Variants in HPSE2 observed in about 807,000 individuals in gnomAD.
HPSE2 encodes heparanase 2 (inactive), also known as inactive heparanase-2.
In HPSE2, 38 loss-of-function variants were observed where a neutral mutation model predicts 60.5. The observed-to-expected ratio is 0.63, with a 90% CI of 0.48 to 0.82. The LOEUF (loss-of-function observed/expected upper bound fraction) is 0.82, where lower values mean the gene tolerates loss of function less well. Ranked by LOEUF, HPSE2 falls within the 40% of genes least tolerant of loss-of-function variation. The pLI, the probability that HPSE2 is intolerant of heterozygous loss-of-function variation, is 0.00. For synonymous variants in HPSE2, 295 were observed against 293.2 expected (o/e 1.01, Z -0.06); for missense variants, 713 against 740.4 (o/e 0.96, Z 0.43).
chr10:98,704,003 T>C (rs987538458), intron 5 of HPSE2, among the ~76,000 whole-genome samples: 6 of 152,202 alleles, frequency 3.9e-5, no homozygotes, highest in African/African-American at 1.4e-4. Context: ...GACATGATTC[T>C]GTATTTAGAA....
intron 3 of HPSE2, among the ~76,000 whole-genome samples, chr10:98,968,155 AT>A (rs1404176129): frequency 1.3e-5 from 2 of 152,324 alleles, no homozygotes; most frequent in Non-Finnish European, 1.5e-5. Flanking sequence ...GGCCACTCTT[AT>A]GCCTTTAAAA....
At chr10:98,724,633 T>C (rs2134261491) in intron 4 of HPSE2, among the ~76,000 whole-genome samples, 1 of 152,312 alleles carries the variant, frequency 6.6e-6, no homozygotes, top group Admixed American at 6.5e-5. Context: ...GGACTTGCTT[T>C]ATGAATCTGG....
chr10:98,593,531 T>C (rs911922427), intron 9 of HPSE2, among the ~76,000 whole-genome samples: 1 of 152,018 alleles, frequency 6.6e-6, no homozygotes, highest in East Asian at 1.9e-4. Flanking sequence ...TGAAAGAAAC[T>C]ATAGGCAGGG....
At chr10:98,558,626 G>A (rs1455515073) in intron 9 of HPSE2, among the ~76,000 whole-genome samples, 1 of 152,198 alleles carries the variant, frequency 6.6e-6, no homozygotes, top group African/African-American at 2.4e-5. Flanking sequence ...GGAGAACATG[G>A]GGAGGGGAAT....
intron 9 of HPSE2, among the ~76,000 whole-genome samples, chr10:98,559,235 C>G (rs1272598120): frequency 6.6e-6 from 1 of 152,148 alleles, no homozygotes; most frequent in African/African-American, 2.4e-5. Flanking sequence ...ACCATGTTAG[C>G]CAGGCTGGTC....
chr10:99,016,557 T>C (rs553579784), intron 3 of HPSE2, among the ~76,000 whole-genome samples: 1 of 152,294 alleles, frequency 6.6e-6, no homozygotes, highest in African/African-American at 2.4e-5. Context: ...TTTTTTCTAG[T>C]TCTGTGAACA....
chr10:99,307,134 T>C, the HPSE2 span, among the ~76,000 whole-genome samples: 1 of 152,308 alleles, frequency 6.6e-6, no homozygotes, highest in East Asian at 1.9e-4. Flanking sequence ...GAGTTTGCAG[T>C]TGGAGCTGTG....
intron 3 of HPSE2, among the ~76,000 whole-genome samples, chr10:99,089,714 G>T (rs1843446159): frequency 6.6e-6 from 1 of 152,104 alleles, no homozygotes; most frequent in Admixed American, 6.5e-5. Context: ...TGTGAAGAAT[G>T]ATGGTGGTAT....
the HPSE2 span, among the ~76,000 whole-genome samples, chr10:99,262,012 G>A: frequency 1.3e-5 from 2 of 152,280 alleles, no homozygotes; most frequent in African/African-American, 2.4e-5. Context: ...ACTCTGGCCC[G>A]AGGCTCTCTG....
chr10:99,206,865 G>C (rs558155573), intron 2 of HPSE2, among the ~76,000 whole-genome samples: 26 of 152,016 alleles, frequency 1.7e-4, no homozygotes, highest in African/African-American at 6.0e-4. Context: ...TATATAACCA[G>C]AGGAGAAAAG....
At chr10:99,255,853 A>G in the HPSE2 span, among the ~76,000 whole-genome samples, 2 of 152,336 alleles carry the variant, frequency 1.3e-5, no homozygotes, top group Middle Eastern at 3.4e-3. Flanking sequence ...TCACACCAGT[A>G]TAAAGAACTG....
rs1190660179 is a variant in HPSE2 at position 99,154,552 on chromosome 10, T to G, written c.449-10153A>C. Among the ~76,000 whole-genome samples, 4 of 150,608 alleles carry G rather than the reference T, an allele frequency of 2.7e-5. No homozygotes were observed. In the East Asian group the frequency reaches 7.8e-4, roughly 29 times the overall value. ...AAATACTTTACAGACAAGCAAATGC[T>G]GAGAGATTTTGTCACCACCAGGCCT... On this transcript the variant is annotated intron_variant, in intron 2 of 11. Transcript: ENST00000370552.
At chr10:98,855,934 C>T (rs542544610) in intron 3 of HPSE2, among the ~76,000 whole-genome samples, 1 of 152,268 alleles carries the variant, frequency 6.6e-6, no homozygotes, top group Admixed American at 6.5e-5. Flanking sequence ...CAATGCAGCC[C>T]TTACCTAAGC....
At chr10:99,145,123 T>G in intron 2 of HPSE2, among the ~76,000 whole-genome samples, 1 of 152,312 alleles carries the variant, frequency 6.6e-6, no homozygotes, top group Non-Finnish European at 1.5e-5. Context: ...AAAGCAGATA[T>G]AGTCTCCAGA....
At chr10:98,525,340 G>T (rs531798375) in intron 9 of HPSE2, among the ~76,000 whole-genome samples, 1 of 152,194 alleles carries the variant, frequency 6.6e-6, no homozygotes, top group African/African-American at 2.4e-5. Context: ...TAGAGGTCCC[G>T]CATTTCATGG....
intron 3 of HPSE2, among the ~76,000 whole-genome samples, chr10:98,857,254 C>T (rs906925645): frequency 1.3e-5 from 2 of 152,110 alleles, no homozygotes; most frequent in African/African-American, 4.8e-5. Context: ...CTCCACAGTC[C>T]TCTGTGGGTA....
intron 3 of HPSE2, among the ~76,000 whole-genome samples, chr10:99,016,104 T>A (rs139421079): frequency 1.3e-5 from 2 of 152,362 alleles, no homozygotes; most frequent in East Asian, 3.9e-4. Flanking sequence ...CATCATGAAA[T>A]CTTTGCCTGT....
At chr10:99,270,491 T>C in the HPSE2 span, among the ~76,000 whole-genome samples, 2 of 152,116 alleles carry the variant, frequency 1.3e-5, no homozygotes, top group East Asian at 3.9e-4. Flanking sequence ...ATTGAAATGG[T>C]AATTTAATAA....
chr10:99,288,861 A>G, the HPSE2 span, among the ~76,000 whole-genome samples: 10 of 152,150 alleles, frequency 6.6e-5, no homozygotes, highest in Admixed American at 6.5e-4. Context: ...TTTAAAAATC[A>G]GCCAGGTAAT....
Sources: allele counts gnomAD v4.1 joint callset (sites outside exome capture counted in the v4.1 genomes callset), GRCh38; gene constraint gnomAD v4.1.1; transcripts MANE v1.5; gene names NCBI Gene and HGNC (gene_info 2026-07-23, HGNC 2026-07-21).